GPR176: variants seen among roughly 807,000 people sequenced by gnomAD.
The protein encoded by GPR176 is G protein-coupled receptor 176, also known as G-protein coupled receptor 176.
A neutral mutation model predicts 35.4 loss-of-function variants in GPR176; 26 were observed. The ratio of observed to expected loss-of-function variants is 0.74; its 90% CI spans 0.54 to 1.02. The LOEUF is 1.02. Ranked by LOEUF, GPR176 falls within the 50% of genes least tolerant of loss-of-function variation. GPR176 has a pLI of 0.00. For missense variants in GPR176, 597 were observed against 665.3 expected (o/e 0.90, Z 1.13); for synonymous variants, 278 against 271.3 (o/e 1.02, Z -0.24).
At chr15:39,906,121 G>C (rs1165798749) in intron 1 of GPR176, among the ~76,000 whole-genome samples, 1 of 152,210 alleles carries the variant, frequency 6.6e-6, no homozygotes, top group Non-Finnish European at 1.5e-5. Context: ...GTGACGACCA[G>C]CCTTTATTAA....
chr15:39,801,888 C>T lies in GPR176; in HGVS notation c.792G>A (p.Leu264=), dbSNP rs770993093. The stretch of plus-strand genomic sequence containing the variant: ...TCACCATGGAGAGCAGGGTGGCGTG[C>T]AGCTCGGCCTCCCGCTGGGAGGCAT... ...IPYASQREAE[L]HATLLSMVMV... is the part of the protein sequence containing the mutation. Residue 264 remains leucine, a synonymous_variant, in exon 3 of 3, where the codon CTG becomes CTA. Coordinates refer to ENST00000561100, the MANE Select transcript of GPR176 (RefSeq NM_007223.3). The T allele has an allele frequency of 4.3e-6, 7 of 1,614,028 alleles. No individual in the cohort carries two copies. The East Asian group carries it at 1.3e-4, about 31-fold the overall frequency.
chr15:39,886,569 A>G (rs2032683220), intron 1 of GPR176, among the ~76,000 whole-genome samples: 1 of 152,198 alleles, frequency 6.6e-6, no homozygotes, highest in Admixed American at 6.5e-5. Flanking sequence ...AAAAATTTTA[A>G]TGAGTTGAGA....
chr15:39,873,827 T>C lies in GPR176; in HGVS notation c.172+46028A>G, dbSNP rs145111220. ...TCTATTCTTGTCCCCCTTTTGGCCA[T>C]TCTATTCATTAACTACATCTTTATC... is the stretch of plus-strand genomic sequence containing the variant. On this transcript the variant is annotated intron_variant, in intron 1 of 2. Coordinates refer to ENST00000561100, the MANE Select transcript of GPR176 (RefSeq NM_007223.3). Among the ~76,000 whole-genome samples, 34 of 152,064 alleles carry C rather than the reference T, an allele frequency of 2.2e-4. 1 individual carries two copies. In the East Asian group the frequency reaches 6.0e-3, roughly 27 times the overall value.
At chr15:39,847,435 T>A (rs1352967354) in intron 1 of GPR176, among the ~76,000 whole-genome samples, 1 of 151,996 alleles carries the variant, frequency 6.6e-6, no homozygotes, top group African/African-American at 2.4e-5. Flanking sequence ...TGGAAAAAGC[T>A]GTATCATGCA....
intron 1 of GPR176, among the ~76,000 whole-genome samples, chr15:39,878,244 A>G (rs1798695536): frequency 6.6e-6 from 1 of 151,890 alleles, no homozygotes; most frequent in African/African-American, 2.4e-5. Context: ...AATCCTGTAC[A>G]ACTGAACCTT....
intron 2 of GPR176, among the ~76,000 whole-genome samples, chr15:39,805,982 G>T (rs1454116928): frequency 6.6e-6 from 1 of 152,170 alleles, no homozygotes; most frequent in Non-Finnish European, 1.5e-5. Context: ...GTATGCTGGG[G>T]GCTTCGTGTG....
At chr15:39,835,563 G>A (rs954657149) in intron 1 of GPR176, among the ~76,000 whole-genome samples, 5 of 151,960 alleles carry the variant, frequency 3.3e-5, no homozygotes, top group African/African-American at 1.2e-4. Context: ...CCACCATCCC[G>A]AATACTGGGC....
chr15:39,834,728 C>T (rs992618755), intron 1 of GPR176, among the ~76,000 whole-genome samples: 2 of 152,042 alleles, frequency 1.3e-5, no homozygotes, highest in African/African-American at 2.4e-5. Context: ...GAGCTAAAAA[C>T]TAAAACAATT....
intron 1 of GPR176, among the ~76,000 whole-genome samples, chr15:39,851,736 T>A (rs2030881129): frequency 6.6e-6 from 1 of 152,224 alleles, no homozygotes; most frequent in Non-Finnish European, 1.5e-5. Context: ...CCAAAATGGT[T>A]TTCTCAGAAC....
chr15:39,864,803 AAT>A (rs2031759008), intron 1 of GPR176, among the ~76,000 whole-genome samples: 1 of 152,092 alleles, frequency 6.6e-6, no homozygotes, highest in Non-Finnish European at 1.5e-5. Context: ...ACAGGGGACT[AAT>A]ATCCAGAATT....
At chr15:39,873,496 C>T (rs1449050868) in intron 1 of GPR176, among the ~76,000 whole-genome samples, 1 of 152,086 alleles carries the variant, frequency 6.6e-6, no homozygotes, top group Non-Finnish European at 1.5e-5. Context: ...AGCATAGAAC[C>T]GAAAACTACA....
At chr15:39,826,735 T>C (rs1483169928) in intron 1 of GPR176, among the ~76,000 whole-genome samples, 1 of 152,230 alleles carries the variant, frequency 6.6e-6, no homozygotes, top group Non-Finnish European at 1.5e-5. Flanking sequence ...TGAAGCTGCT[T>C]CTTCAGCTCT....
intron 1 of GPR176, among the ~76,000 whole-genome samples, chr15:39,887,381 C>CATATTTCCAGATCAA (rs1457998399): frequency 1.3e-5 from 2 of 152,150 alleles, no homozygotes; most frequent in African/African-American, 4.8e-5. Context: ...TGGAACAATG[C>CATATTTCCAGATCAA]ATATTTCCAG....
chr15:39,814,133 A>G (rs1899745593), intron 1 of GPR176, among the ~76,000 whole-genome samples: 1 of 152,182 alleles, frequency 6.6e-6, no homozygotes, highest in African/African-American at 2.4e-5. Context: ...CCTCTATCCT[A>G]GGATTTATGT....
chr15:39,824,909 G>C (rs1245831280), intron 1 of GPR176, among the ~76,000 whole-genome samples: 1 of 151,984 alleles, frequency 6.6e-6, no homozygotes, highest in African/African-American at 2.4e-5. Flanking sequence ...CATGTTTACT[G>C]TTACAATGGT....
At chr15:39,811,644 T>G (rs112356992) in intron 1 of GPR176, among the ~76,000 whole-genome samples, 1 of 152,046 alleles carries the variant, frequency 6.6e-6, no homozygotes, top group South Asian at 2.1e-4. Context: ...ATTCGGGGTG[T>G]GGTGGCTCAC....
At chr15:39,910,328 C>T (rs978106220) in intron 1 of GPR176, among the ~76,000 whole-genome samples, 1 of 152,240 alleles carries the variant, frequency 6.6e-6, no homozygotes, top group Non-Finnish European at 1.5e-5. Context: ...TGGCTCATGC[C>T]TGTAATCCCA....
intron 1 of GPR176, among the ~76,000 whole-genome samples, chr15:39,913,785 G>A (rs149970840): frequency 0.014 from 2,074 of 152,246 alleles, 20 homozygotes; most frequent in Non-Finnish European, 0.021. Flanking sequence ...GGTGGCTCAC[G>A]CCTGTAATCC....
At chr15:39,879,289 G>A (rs946185540) in intron 1 of GPR176, among the ~76,000 whole-genome samples, 2 of 152,122 alleles carry the variant, frequency 1.3e-5, no homozygotes, top group African/African-American at 4.8e-5. Flanking sequence ...TGACCAATGA[G>A]GGTGTTGCTG....
Sources: allele counts gnomAD v4.1 joint callset (sites outside exome capture counted in the v4.1 genomes callset), GRCh38; gene constraint gnomAD v4.1.1; transcripts MANE v1.5; gene names NCBI Gene and HGNC (gene_info 2026-07-23, HGNC 2026-07-21).